The following SLC35F3 variants were observed in gnomAD, a reference collection of about 807,000 sequenced individuals.
The protein encoded by SLC35F3 is solute carrier family 35 member F3.
A neutral mutation model predicts 49.9 loss-of-function variants in SLC35F3; 25 were observed. That is an observed-to-expected ratio of 0.50 (90% CI 0.37 to 0.70). SLC35F3 has a LOEUF of 0.70. Ranked by LOEUF, SLC35F3 falls within the 30% of genes least tolerant of loss-of-function variation. The pLI is 0.00. For missense variants in SLC35F3, 525 were observed against 639.8 expected (o/e 0.82, Z 1.94); for synonymous variants, 275 against 265.4 (o/e 1.04, Z -0.35).
intron 1 of SLC35F3, 126 bp downstream of exon 1, chr1:233,905,256 C>A: frequency 1.9e-6 from 2 of 1,053,940 alleles, no homozygotes; most frequent in Non-Finnish European, 2.8e-6. Context: ...CGCGGTGGAG[C>A]TGCTCGGGAA....
At chr1:234,069,730 G>A (rs1182185039) in intron 2 of SLC35F3, among the ~76,000 whole-genome samples, 2 of 152,060 alleles carry the variant, frequency 1.3e-5, no homozygotes, top group East Asian at 3.8e-4. Flanking sequence ...GTCCTCTCTT[G>A]GCTACCACCC....
At chr1:234,199,025 C>T (rs1666856930) in intron 2 of SLC35F3, among the ~76,000 whole-genome samples, 3 of 148,096 alleles carry the variant, frequency 2.0e-5, no homozygotes, top group South Asian at 2.1e-4. Flanking sequence ...TCAAGCCTAG[C>T]TTGGGCAACA....
intron 2 of SLC35F3, among the ~76,000 whole-genome samples, chr1:234,195,894 T>G (rs1002174802): frequency 6.6e-6 from 1 of 152,164 alleles, no homozygotes; most frequent in African/African-American, 2.4e-5. Flanking sequence ...TTTCATTCTC[T>G]CTCTTGTCTG....
chr1:234,174,644 C>T (rs535839965), intron 2 of SLC35F3, among the ~76,000 whole-genome samples: 8 of 152,322 alleles, frequency 5.3e-5, no homozygotes, highest in Admixed American at 2.0e-4. Flanking sequence ...GTATAAACAT[C>T]TCTGTGTGTG....
chr1:233,950,235 A>G (rs1403334866), intron 2 of SLC35F3, among the ~76,000 whole-genome samples: 1 of 151,482 alleles, frequency 6.6e-6, no homozygotes, highest in African/African-American at 2.4e-5. Context: ...AAATACAAAA[A>G]ATTAGCCTGG....
chr1:233,949,390 C>T (rs775161563), intron 2 of SLC35F3, among the ~76,000 whole-genome samples: 41 of 152,224 alleles, frequency 2.7e-4, no homozygotes, highest in Non-Finnish European at 4.4e-4. Flanking sequence ...GTGATGTTCA[C>T]GGATAGTATT....
intron 2 of SLC35F3, among the ~76,000 whole-genome samples, chr1:233,912,568 ATAC>A (rs1352420715): frequency 6.6e-6 from 1 of 152,256 alleles, no homozygotes; most frequent in Admixed American, 6.5e-5. Flanking sequence ...ATTAAATGAA[ATAC>A]AGTAGTCCCG....
chr1:233,910,953 G>C (rs1015589460), intron 2 of SLC35F3, among the ~76,000 whole-genome samples: 2 of 152,164 alleles, frequency 1.3e-5, no homozygotes, highest in Non-Finnish European at 2.9e-5. Flanking sequence ...ACGTGAACCT[G>C]GGACAGGAAC....
intron 2 of SLC35F3, among the ~76,000 whole-genome samples, chr1:233,937,901 A>G (rs1314950589): frequency 6.6e-6 from 1 of 152,110 alleles, no homozygotes; most frequent in Non-Finnish European, 1.5e-5. Context: ...TGATGTTCAA[A>G]TTTCTGACTC....
chr1:233,981,069 G>C (rs1195154734), intron 2 of SLC35F3, among the ~76,000 whole-genome samples: 1 of 152,188 alleles, frequency 6.6e-6, no homozygotes, highest in Admixed American at 6.5e-5. Context: ...GATACAGAAA[G>C]AACAGAAAGA....
intron 4 of SLC35F3, 83 bp downstream of exon 4, chr1:234,309,403 C>A: frequency 1.6e-6 from 2 of 1,213,102 alleles, no homozygotes. Context: ...GCTCCATGTG[C>A]TGGACCATGA....
intron 2 of SLC35F3, among the ~76,000 whole-genome samples, chr1:234,067,735 TC>T (rs1330204902): frequency 6.6e-6 from 1 of 152,166 alleles, no homozygotes; most frequent in African/African-American, 2.4e-5. Context: ...GAGCTGAGCC[TC>T]CAGATGACTG....
At chr1:234,045,019 C>T (rs1352878728) in intron 2 of SLC35F3, among the ~76,000 whole-genome samples, 1 of 152,122 alleles carries the variant, frequency 6.6e-6, no homozygotes, top group East Asian at 1.9e-4. Context: ...CATGAGGAAC[C>T]TTGAGTAAGT....
chr1:234,273,512 GCACATCCTGCTAT>G (rs1668144553), intron 3 of SLC35F3, among the ~76,000 whole-genome samples: 1 of 152,238 alleles, frequency 6.6e-6, no homozygotes, highest in Admixed American at 6.5e-5. Context: ...AAGGCCAGAA[GCACATCCTGCTAT>G]CACAAAATAA....
At chr1:234,020,117 C>T (rs943421131) in intron 2 of SLC35F3, among the ~76,000 whole-genome samples, 2 of 151,412 alleles carry the variant, frequency 1.3e-5, no homozygotes, top group Admixed American at 6.6e-5. Flanking sequence ...GTAAGCTGCA[C>T]GCCATTCCAT....
At chr1:234,286,579 A>G (rs1309819240) in intron 3 of SLC35F3, among the ~76,000 whole-genome samples, 3 of 152,254 alleles carry the variant, frequency 2.0e-5, no homozygotes, top group Non-Finnish European at 4.4e-5. Context: ...ATGACTGGAT[A>G]ATACTAGTAA....
At chr1:234,201,647 A>G (rs185833704) in intron 2 of SLC35F3, among the ~76,000 whole-genome samples, 166 of 152,322 alleles carry the variant, frequency 1.1e-3, no homozygotes, top group African/African-American at 3.1e-3. Context: ...AGCTTCTCCT[A>G]TGAGTATTTC....
intron 2 of SLC35F3, among the ~76,000 whole-genome samples, chr1:234,192,612 A>G (rs1666747619): frequency 6.6e-6 from 1 of 152,174 alleles, no homozygotes; most frequent in Non-Finnish European, 1.5e-5. Flanking sequence ...GACAAGAGAA[A>G]CAAATAAAGG....
intron 2 of SLC35F3, among the ~76,000 whole-genome samples, chr1:234,133,160 C>T (rs1040803777): frequency 6.6e-6 from 1 of 152,042 alleles, no homozygotes; most frequent in Non-Finnish European, 1.5e-5. Flanking sequence ...AGTGTCTTTT[C>T]AAAGAATTAC....
Sources: allele counts gnomAD v4.1 joint callset (sites outside exome capture counted in the v4.1 genomes callset), GRCh38; gene constraint gnomAD v4.1.1; transcripts MANE v1.5; gene names NCBI Gene and HGNC (gene_info 2026-07-23, HGNC 2026-07-21).